HSDL2: variants seen among roughly 807,000 people sequenced by gnomAD.
HSDL2 encodes the protein hydroxysteroid dehydrogenase-like protein 2.
A neutral mutation model predicts 46.3 loss-of-function variants in HSDL2; 27 were observed. That is an observed-to-expected ratio of 0.58 (90% CI 0.43 to 0.80). HSDL2 has a LOEUF of 0.80. Among genes scored for constraint, HSDL2 ranks in the 30% least tolerant of loss-of-function variants. The probability of loss-of-function intolerance (pLI) is 0.00; values close to 1 mark genes in which losing one functional copy is unlikely to be tolerated. For synonymous variants in HSDL2, 153 were observed against 163.6 expected (o/e 0.94, Z 0.50); for missense variants, 451 against 502.7 (o/e 0.90, Z 0.98).
chr9:112,439,745 T>A lies in HSDL2; in HGVS notation c.793+1120T>A, dbSNP rs368694440. 3.4e-4 allele frequency among the ~76,000 whole-genome samples: 52 copies of A among 152,374 alleles called. 2 individuals are homozygous for A. Among genetic ancestry groups the A allele is most frequent in the East Asian group, 3.3e-3 (17 of 5,194 alleles). On this transcript the variant is annotated intron_variant, in intron 7 of 10. Coordinates refer to ENST00000398805, the MANE Select transcript of HSDL2 (RefSeq NM_032303.5). ...ATATGCATTATCTATTTAGCCTGCA[T>A]AACAATTCTGTACGGAAAGTAATGC...
At chr9:112,426,516 A>G (rs1462757090) in intron 6 of HSDL2, among the ~76,000 whole-genome samples, 1 of 152,078 alleles carries the variant, frequency 6.6e-6, no homozygotes, top group Non-Finnish European at 1.5e-5. Flanking sequence ...GATTATAGGC[A>G]TGAGCCACTG....
At chr9:112,462,729 T>C (rs558449656) in intron 10 of HSDL2, among the ~76,000 whole-genome samples, 2 of 152,138 alleles carry the variant, frequency 1.3e-5, no homozygotes, top group African/African-American at 2.4e-5. Flanking sequence ...AAATTTACCA[T>C]CCTAAGTATA....
chr9:112,457,485 A>C (rs1833066055), intron 9 of HSDL2, among the ~76,000 whole-genome samples: 1 of 152,080 alleles, frequency 6.6e-6, no homozygotes, highest in Non-Finnish European at 1.5e-5. Context: ...TACAAAAATA[A>C]AAATAAAAAA....
chr9:112,456,601 C>T (rs1234828858), intron 9 of HSDL2, among the ~76,000 whole-genome samples: 1 of 152,186 alleles, frequency 6.6e-6, no homozygotes, highest in Admixed American at 6.6e-5. Flanking sequence ...CTATTCCTGA[C>T]ACTTTCTCTA....
chr9:112,416,136 A>C (rs893403187), intron 4 of HSDL2, among the ~76,000 whole-genome samples: 2 of 150,882 alleles, frequency 1.3e-5, no homozygotes, highest in African/African-American at 4.9e-5. Context: ...TTGGCCCGGC[A>C]TGATGGCTCA....
At chr9:112,437,211 C>T (rs1489764097) in intron 6 of HSDL2, among the ~76,000 whole-genome samples, 5 of 152,040 alleles carry the variant, frequency 3.3e-5, no homozygotes, top group Non-Finnish European at 7.4e-5. Context: ...CCACCCACCT[C>T]GGCCTCCCAC....
intron 5 of HSDL2, 105 bp from the exon 6 acceptor site, chr9:112,418,755 A>C: frequency 2.0e-6 from 1 of 490,964 alleles, no homozygotes; most frequent in Non-Finnish European, 3.6e-6. Flanking sequence ...ATGCACACAT[A>C]TATCAGGAAG....
At chr9:112,432,489 G>T (rs1009443796) in intron 6 of HSDL2, among the ~76,000 whole-genome samples, 1 of 152,174 alleles carries the variant, frequency 6.6e-6, no homozygotes, top group Non-Finnish European at 1.5e-5. Context: ...TGTGCAATAT[G>T]ATTACCTTCT....
intron 9 of HSDL2, among the ~76,000 whole-genome samples, chr9:112,456,040 T>C (rs1833013500): frequency 6.6e-6 from 1 of 152,190 alleles, no homozygotes; most frequent in South Asian, 2.1e-4. Context: ...AGTATTGCAG[T>C]CCATGGATCA....
chr9:112,441,550 G>A (rs1832637861), intron 7 of HSDL2, 149 bp from the exon 8 acceptor site: 1 of 541,156 alleles, frequency 1.8e-6, no homozygotes, highest in Non-Finnish European at 3.3e-6. Flanking sequence ...TTAATTTAAT[G>A]AAGATCAGGT....
chr9:112,428,006 C>T (rs999869410), intron 6 of HSDL2, among the ~76,000 whole-genome samples: 2 of 152,210 alleles, frequency 1.3e-5, no homozygotes, highest in African/African-American at 4.8e-5. Flanking sequence ...TACTCTTGAA[C>T]TGAACTGCCG....
At chr9:112,407,404 T>C (rs1371043579) in intron 3 of HSDL2, among the ~76,000 whole-genome samples, 1 of 151,350 alleles carries the variant, frequency 6.6e-6, no homozygotes, top group Non-Finnish European at 1.5e-5. Context: ...CCCATATTCA[T>C]TCAGTTTTAG....
chr9:112,417,477 T>TAAAA (rs71491043), intron 5 of HSDL2, among the ~76,000 whole-genome samples: 1 of 111,116 alleles, frequency 9.0e-6, no homozygotes, highest in Non-Finnish European at 1.8e-5. Context: ...ACCCTGACTC[T>TAAAA]AAAAAAAAAA....
intron 1 of HSDL2, among the ~76,000 whole-genome samples, chr9:112,389,619 A>G (rs942967102): frequency 7.9e-5 from 12 of 152,228 alleles, no homozygotes; most frequent in Admixed American, 4.6e-4. Flanking sequence ...TACATTAGAA[A>G]GACCTAAATA....
In HSDL2 at chr9:112,452,124, T is replaced by C. The variant is rs1266559502; in HGVS notation, c.866-1889T>C. The stretch of plus-strand genomic sequence containing the variant: ...CTTTAAGGCTTTCATCTCTAATATC[T>C]GTTCGTACTTTAACTTATAAAAGGA... On this transcript the variant is annotated intron_variant, in intron 8 of 10. Coordinates refer to ENST00000398805, the MANE Select transcript of HSDL2 (RefSeq NM_032303.5). Among the ~76,000 whole-genome samples the C allele has an allele frequency of 2.6e-5, 4 of 152,254 alleles. No homozygotes were observed. In the East Asian group the frequency reaches 7.7e-4, roughly 29 times the overall value.
intron 1 of HSDL2, among the ~76,000 whole-genome samples, chr9:112,383,820 T>A (rs1831163795): frequency 6.6e-6 from 1 of 152,156 alleles, no homozygotes; most frequent in South Asian, 2.1e-4. Flanking sequence ...TCCCAGCTCA[T>A]CTTCCCAATT....
intron 8 of HSDL2, among the ~76,000 whole-genome samples, chr9:112,452,901 A>G (rs1466954172): frequency 6.6e-6 from 1 of 152,188 alleles, no homozygotes; most frequent in East Asian, 1.9e-4. Flanking sequence ...TGTTGCAGGT[A>G]ACCTCCATTC....
intron 1 of HSDL2, among the ~76,000 whole-genome samples, chr9:112,391,159 G>T (rs1831335025): frequency 6.7e-6 from 1 of 149,290 alleles, no homozygotes; most frequent in Non-Finnish European, 1.5e-5. Flanking sequence ...CTGGGTGACA[G>T]AGTAAGACTC....
In HSDL2 at chr9:112,441,703, T is replaced by C; in HGVS notation, c.798T>C (p.His266=). ...GGTTTGGGGTCAATTTTTCAGGTCA[T>C]CCTTTGCAACCAGATTTCTTCTTAG... ...NFDVYAIKPG[H]PLQPDFFLDE... is the part of the protein sequence containing the mutation. Residue 266 remains histidine (H), a synonymous_variant, in exon 8 of 11, where the codon CAT becomes CAC. Transcript: ENST00000398805. 6.2e-7 allele frequency: 1 copy of C among 1,612,256 alleles called. No homozygotes were observed. Among genetic ancestry groups the C allele is most frequent in the Admixed American group, 1.7e-5 (1 of 59,996 alleles).
Sources: allele counts gnomAD v4.1 joint callset (sites outside exome capture counted in the v4.1 genomes callset), GRCh38; gene constraint gnomAD v4.1.1; transcripts MANE v1.5; gene names NCBI Gene and HGNC (gene_info 2026-07-23, HGNC 2026-07-21).